NEDD4L: variants seen among roughly 807,000 people sequenced by gnomAD.
NEDD4L encodes E3 ubiquitin-protein ligase NEDD4-like.
NEDD4L carries 54 observed loss-of-function variants against 148.9 expected under a neutral mutation model. That is an observed-to-expected ratio of 0.36 (90% CI 0.29 to 0.45). The LOEUF (loss-of-function observed/expected upper bound fraction) is 0.45, where lower values mean the gene tolerates loss of function less well. Among genes scored for constraint, NEDD4L ranks in the 20% least tolerant of loss-of-function variants. The probability of loss-of-function intolerance (pLI) is 1.00; values close to 1 mark genes in which losing one functional copy is unlikely to be tolerated. For missense variants in NEDD4L, 856 were observed against 1,233.8 expected (o/e 0.69, Z 4.59); for synonymous variants, 433 against 440.7 (o/e 0.98, Z 0.22).
At chr18:58,364,956 C>T (rs1037685297) in intron 20 of NEDD4L, among the ~76,000 whole-genome samples, 4 of 152,184 alleles carry the variant, frequency 2.6e-5, no homozygotes, top group Non-Finnish European at 5.9e-5. Flanking sequence ...TTTTACTTTC[C>T]GATTCCTCCT....
chr18:58,101,113 A>G (rs2145489782), intron 1 of NEDD4L, among the ~76,000 whole-genome samples: 1 of 152,328 alleles, frequency 6.6e-6, no homozygotes, highest in African/African-American at 2.4e-5. Context: ...GATGAAAAAG[A>G]AATAACTTGA....
chr18:58,371,938 C>G (rs1361634956), intron 23 of NEDD4L: 1 of 152,194 alleles, frequency 6.6e-6, no homozygotes. Flanking sequence ...CGTCGTGTCC[C>G]CAGCAGGAGA....
chr18:58,244,604 T>C (rs1387863512), intron 2 of NEDD4L, among the ~76,000 whole-genome samples: 1 of 152,224 alleles, frequency 6.6e-6, no homozygotes, highest in Admixed American at 6.5e-5. Flanking sequence ...CTCAAATTTA[T>C]AACTTTAGGC....
At chr18:58,323,169 C>T (rs73439414) in intron 7 of NEDD4L, 63 bp from the exon 8 acceptor site, 18 of 975,376 alleles carry the variant, frequency 1.8e-5, no homozygotes, top group Middle Eastern at 4.2e-4. Context: ...TTGCTGAAGA[C>T]GATTTTAAGT....
intron 1 of NEDD4L, among the ~76,000 whole-genome samples, chr18:58,079,122 G>T (rs2083312984): frequency 6.6e-6 from 1 of 152,198 alleles, no homozygotes; most frequent in Non-Finnish European, 1.5e-5. Flanking sequence ...TAACCAGCAG[G>T]TCCTGCTGAT....
At position 58,256,758 on chromosome 18, in the gene NEDD4L, CGG is replaced by C. The variant is rs2048641540; in HGVS notation, c.297+4706_297+4707del. 8.1e-7 allele frequency: 1 copy of C among 1,231,858 alleles called. No homozygotes were observed. The highest frequency in any genetic ancestry group is 4.1e-5 in the South Asian group (1 of 24,324). 76.3% of individuals were successfully genotyped at this position (1,231,858 alleles called of 1,614,324 possible). On this transcript the variant is annotated intron_variant, in intron 5 of 30. Transcript: ENST00000400345. This position sits in a 1 kb window ranked among gnomAD's most constrained non-coding sequence, Gnocchi z 5.2. ...AAAAGCGCCAAAAGCCCTGTTTCCA[CGG>C]GAGCTGACACCACGGTAAGTTCACA...
At chr18:58,084,121 C>T (rs531443486) in intron 1 of NEDD4L, among the ~76,000 whole-genome samples, 5 of 152,244 alleles carry the variant, frequency 3.3e-5, no homozygotes, top group East Asian at 1.9e-4. Context: ...GGGAACTGAA[C>T]GAATCCAGGC....
chr18:58,362,099 G>T (rs147054933), intron 19 of NEDD4L, among the ~76,000 whole-genome samples: 1 of 152,322 alleles, frequency 6.6e-6, no homozygotes, highest in Admixed American at 6.5e-5. Context: ...AAGGAGAAAG[G>T]CTTGAAATAT....
At chr18:58,250,740 C>T (rs543179699) in intron 4 of NEDD4L, among the ~76,000 whole-genome samples, 1 of 152,288 alleles carries the variant, frequency 6.6e-6, no homozygotes, top group Admixed American at 6.5e-5. Context: ...GAAAGGCCAC[C>T]TGAGGACTCT....
chr18:58,258,907 T>A (rs945073946), intron 5 of NEDD4L, among the ~76,000 whole-genome samples: 1 of 152,232 alleles, frequency 6.6e-6, no homozygotes, highest in African/African-American at 2.4e-5. Context: ...AAACATTCAC[T>A]TGGGCGTCTA....
intron 1 of NEDD4L, among the ~76,000 whole-genome samples, chr18:58,108,791 T>A (rs1233029118): frequency 2.6e-5 from 4 of 152,236 alleles, no homozygotes; most frequent in Admixed American, 2.0e-4. Context: ...CTATCTGGGT[T>A]TAAATCCTGG....
intron 1 of NEDD4L, among the ~76,000 whole-genome samples, chr18:58,118,539 T>C (rs1475511294): frequency 6.6e-6 from 1 of 152,242 alleles, no homozygotes; most frequent in Non-Finnish European, 1.5e-5. Context: ...TTTTCAGTGC[T>C]CGCCACTCTA....
chr18:58,213,174 G>A (rs1357484423), intron 2 of NEDD4L, among the ~76,000 whole-genome samples: 1 of 151,836 alleles, frequency 6.6e-6, no homozygotes, highest in East Asian at 1.9e-4. Context: ...AAGCAGATGG[G>A]CAATGTATAT....
intron 24 of NEDD4L, among the ~76,000 whole-genome samples, chr18:58,374,211 T>A (rs1017606347): frequency 6.6e-6 from 1 of 152,176 alleles, no homozygotes; most frequent in African/African-American, 2.4e-5. Flanking sequence ...GTAAAAATTG[T>A]TGGATAAGAA....
intron 1 of NEDD4L, among the ~76,000 whole-genome samples, chr18:58,112,360 C>A (rs1425248728): frequency 7.0e-6 from 1 of 143,564 alleles, no homozygotes; most frequent in African/African-American, 2.5e-5. Context: ...TCCTATTTGT[C>A]TTTATTTATT....
At position 58,351,029 on chromosome 18, in the gene NEDD4L, G is replaced by A. The variant is rs565189263; in HGVS notation, c.1692G>A (p.Thr564=). Residue 564 remains threonine, a synonymous_variant, in exon 18 of 31, where the codon ACG becomes ACA. Coordinates refer to ENST00000400345, the MANE Select transcript of NEDD4L (RefSeq NM_001144967.3). ...AAAGAATTCACTTGGATGGCCGAAC[G>A]TTTTATATTGATCATAGTAAGTAGG... is the stretch of plus-strand genomic sequence containing the variant. ...WEERIHLDGR[T]FYIDHNSKIT... 1.6e-5 allele frequency: 25 copies of A among 1,594,160 alleles called. No individual in the cohort carries two copies. Among genetic ancestry groups the A allele is most frequent in the East Asian group, 4.5e-5 (2 of 44,284 alleles).
intron 5 of NEDD4L, among the ~76,000 whole-genome samples, chr18:58,270,729 T>C (rs1244145182): frequency 6.6e-6 from 1 of 152,108 alleles, no homozygotes; most frequent in Non-Finnish European, 1.5e-5. Context: ...TGATTTCTAT[T>C]GCTTATCAGT....
chr18:58,189,468 T>G (rs2039856929), intron 2 of NEDD4L, among the ~76,000 whole-genome samples: 1 of 152,236 alleles, frequency 6.6e-6, no homozygotes. Context: ...GTATTTAACC[T>G]GTACAGCTAG....
Position 58,396,245 on chromosome 18 carries a change from T to A in NEDD4L, c.2904T>A (p.Ala968=), listed in dbSNP as rs1268444882. 1 of 1,612,850 alleles carries A rather than the reference T, an allele frequency of 6.2e-7. No individual in the cohort carries two copies. Among genetic ancestry groups the A allele is most frequent in the Admixed American group, 1.7e-5 (1 of 59,952 alleles). The change falls in exon 31 of 31, where the codon GCT becomes GCA. Residue 968 remains alanine, a synonymous_variant. Transcript: ENST00000400345. ...REKLLMAVEN[A]QGFEGVD ...AACTTCTCATGGCCGTGGAAAATGC[T>A]CAAGGATTTGAAGGGGTGGATTAAG...
Sources: allele counts gnomAD v4.1 joint callset (sites outside exome capture counted in the v4.1 genomes callset), GRCh38; gene constraint gnomAD v4.1.1; non-coding constraint Gnocchi (gnomAD v3.1); transcripts MANE v1.5; gene names NCBI Gene and HGNC (gene_info 2026-07-23, HGNC 2026-07-21).